Variants in ENKUR observed in about 807,000 individuals in gnomAD.
ENKUR encodes enkurin, TRPC channel interacting protein.
A neutral mutation model predicts 27.6 loss-of-function variants in ENKUR; 19 were observed. The ratio of observed to expected loss-of-function variants is 0.69; its 90% CI spans 0.48 to 1.01. ENKUR has a LOEUF of 1.01. Ranked by LOEUF, ENKUR falls within the 50% of genes least tolerant of loss-of-function variation. The pLI, the probability that ENKUR is intolerant of heterozygous loss-of-function variation, is 0.00. For missense variants in ENKUR, 312 were observed against 310.5 expected (o/e 1.00, Z -0.04); for synonymous variants, 117 against 96.9 (o/e 1.21, Z -1.22).
chr10:25,061,525 T>C (rs1056374502), intron 1 of ENKUR, among the ~76,000 whole-genome samples: 2 of 152,204 alleles, frequency 1.3e-5, no homozygotes, highest in African/African-American at 4.8e-5. Context: ...ACTTTGGTGA[T>C]CTACAAGCTT....
chr10:25,054,378 C>T (rs571334618), intron 2 of ENKUR, among the ~76,000 whole-genome samples: 3 of 152,260 alleles, frequency 2.0e-5, no homozygotes, highest in African/African-American at 4.8e-5. Flanking sequence ...GCGGAGATCA[C>T]GCCATTGCAT....
intron 2 of ENKUR, among the ~76,000 whole-genome samples, chr10:25,042,196 A>G (rs1434858994): frequency 2.0e-5 from 3 of 152,132 alleles, no homozygotes; most frequent in Non-Finnish European, 4.4e-5. Context: ...ATGTACATTT[A>G]TAGGGAGAAA....
intron 4 of ENKUR, among the ~76,000 whole-genome samples, chr10:24,988,256 A>G (rs533907899): frequency 2.9e-5 from 4 of 139,556 alleles, no homozygotes; most frequent in South Asian, 2.1e-4. Context: ...ATATATGTGT[A>G]TATATATATT....
chr10:24,986,035 T>C (rs11014335), intron 4 of ENKUR, among the ~76,000 whole-genome samples: 5,687 of 152,184 alleles, frequency 0.037, 144 homozygotes, highest in Non-Finnish European at 0.059. Context: ...GCCACTGCAC[T>C]CCAGCCTGAA....
At chr10:25,037,705 G>T (rs1380620281) in intron 2 of ENKUR, among the ~76,000 whole-genome samples, 1 of 151,678 alleles carries the variant, frequency 6.6e-6, no homozygotes, top group African/African-American at 2.4e-5. Context: ...TCCTTAAAAT[G>T]ACCTCCTAGA....
intron 1 of ENKUR, among the ~76,000 whole-genome samples, chr10:25,011,431 C>T (rs1360457544): frequency 1.3e-5 from 2 of 152,076 alleles, no homozygotes; most frequent in East Asian, 3.9e-4. Context: ...TTTTGCTGTG[C>T]AGAAGCTCTA....
intron 1 of ENKUR, among the ~76,000 whole-genome samples, chr10:25,015,433 C>G (rs1211596075): frequency 1.3e-5 from 2 of 152,138 alleles, no homozygotes; most frequent in African/African-American, 4.8e-5. Context: ...AAGTCCTATC[C>G]TATCCCATTA....
intron 3 of ENKUR, among the ~76,000 whole-genome samples, chr10:24,993,956 C>T (rs1849982311): frequency 6.6e-6 from 1 of 152,068 alleles, no homozygotes; most frequent in East Asian, 1.9e-4. Context: ...GTGAGTTTTC[C>T]ACTTTTCCCT....
At chr10:25,052,217 G>T in intron 2 of ENKUR, among the ~76,000 whole-genome samples, 1 of 152,114 alleles carries the variant, frequency 6.6e-6, no homozygotes, top group East Asian at 1.9e-4. Flanking sequence ...TGAGCAATTT[G>T]ATAAGACAAA....
At chr10:25,030,135 G>C (rs1228899274) in intron 2 of ENKUR, among the ~76,000 whole-genome samples, 1 of 151,978 alleles carries the variant, frequency 6.6e-6, no homozygotes, top group Admixed American at 6.6e-5. Context: ...TACCCTATAG[G>C]GTCTCTCTAG....
At chr10:24,990,958 G>A (rs1849913298) in intron 3 of ENKUR, among the ~76,000 whole-genome samples, 1 of 152,182 alleles carries the variant, frequency 6.6e-6, no homozygotes, top group Non-Finnish European at 1.5e-5. Context: ...AAATTAGCCA[G>A]GCATCGTGGC....
chr10:25,023,288 A>G (rs1455381918), intron 2 of ENKUR: 5 of 1,613,998 alleles, frequency 3.1e-6, no homozygotes, highest in East Asian at 2.2e-5. Context: ...TCTAGTATAC[A>G]TGTTAAAACG....
At chr10:25,056,569 G>T (rs2130495628) in intron 2 of ENKUR, among the ~76,000 whole-genome samples, 1 of 152,316 alleles carries the variant, frequency 6.6e-6, no homozygotes, top group African/African-American at 2.4e-5. Flanking sequence ...TTTAGAAATT[G>T]TAAGTAGGTA....
chr10:25,057,612 C>T (rs1851276049), intron 2 of ENKUR, among the ~76,000 whole-genome samples: 1 of 152,150 alleles, frequency 6.6e-6, no homozygotes, highest in Admixed American at 6.6e-5. Flanking sequence ...GCTGCTAAGT[C>T]TGCCATATCA....
intron 1 of ENKUR, among the ~76,000 whole-genome samples, chr10:25,006,169 C>T (rs536495871): frequency 2.6e-5 from 4 of 152,254 alleles, no homozygotes; most frequent in African/African-American, 9.6e-5. Context: ...CAGATAGCTG[C>T]ACACCCAGAG....
At chr10:24,994,443 C>A (rs1263452994) in intron 3 of ENKUR, among the ~76,000 whole-genome samples, 1 of 151,572 alleles carries the variant, frequency 6.6e-6, no homozygotes, top group African/African-American at 2.4e-5. Flanking sequence ...AAGCGATTCT[C>A]GTGCCTTAGC....
At chr10:25,007,315 T>C (rs977593605) in intron 1 of ENKUR, among the ~76,000 whole-genome samples, 1 of 152,042 alleles carries the variant, frequency 6.6e-6, no homozygotes, top group Non-Finnish European at 1.5e-5. Flanking sequence ...TTTTAAGGAG[T>C]ATTGTTGTCA....
intron 2 of ENKUR, among the ~76,000 whole-genome samples, chr10:24,997,819 A>ATATATATATATATG (rs1554769683): frequency 6.6e-5 from 10 of 151,614 alleles, no homozygotes; most frequent in African/African-American, 2.2e-4. Context: ...ATATATATAT[A>ATATATATATATATG]TATATATGTT....
At position 24,999,085 on chromosome 10, in the gene ENKUR, G is replaced by C. The variant is rs192412881; in HGVS notation, c.223+316C>G. Among the ~76,000 whole-genome samples the C allele has an allele frequency of 1.7e-3, 253 of 152,288 alleles. 2 individuals carry two copies. The highest frequency in any genetic ancestry group is 4.9e-4 in the Non-Finnish European group (33 of 68,030). On this transcript the variant is annotated intron_variant, in intron 2 of 5. Transcript: ENST00000331161. ...CAATCTTGCCCATTAGTCAGATACTGTCCCTGGGGTCTTGACTTTTCCTAT... is the reference window on the plus strand; with the variant it reads ...CAATCTTGCCCATTAGTCAGATACTCTCCCTGGGGTCTTGACTTTTCCTAT...
Sources: gnomAD v4.1 joint callset for allele counts (sites outside exome capture counted in the v4.1 genomes callset) on GRCh38, gnomAD v4.1.1 for gene constraint, MANE v1.5 for transcripts, NCBI Gene and HGNC (gene_info 2026-07-23, HGNC 2026-07-21) for gene names.